The following ETV1 variants were observed in gnomAD, a reference collection of about 807,000 sequenced individuals.
ETV1 encodes ETS variant transcription factor 1.
In ETV1, 27 loss-of-function variants were observed where a neutral mutation model predicts 62.3. The ratio of observed to expected loss-of-function variants is 0.43; its 90% CI spans 0.32 to 0.60. ETV1 has a LOEUF of 0.60. ETV1 is among the 20% of genes least tolerant of loss of function. ETV1 has a pLI of 0.06. For missense variants in ETV1, 605 were observed against 605.8 expected (o/e 1.00, Z 0.01); for synonymous variants, 222 against 199.6 (o/e 1.11, Z -0.94).
intron 6 of ETV1, among the ~76,000 whole-genome samples, chr7:13,970,597 A>C (rs566728122): frequency 9.2e-5 from 14 of 152,202 alleles, no homozygotes; most frequent in Non-Finnish European, 2.1e-4. Flanking sequence ...TTTTGGTAAA[A>C]GCAGTCAGAA....
At chr7:13,960,288 C>T (rs944834219) in intron 6 of ETV1, among the ~76,000 whole-genome samples, 6 of 152,108 alleles carry the variant, frequency 3.9e-5, no homozygotes, top group Non-Finnish European at 8.8e-5. Context: ...ATCAACATTG[C>T]TATTCTGAAT....
Position 13,989,156 on chromosome 7 carries a change from T to G in ETV1, c.-87-17A>C. The G allele has an allele frequency of 2.1e-6, 2 of 969,894 alleles. No homozygotes were observed. Among genetic ancestry groups the G allele is most frequent in the Non-Finnish European group, 3.0e-6 (2 of 658,878 alleles). 60.1% of individuals were successfully genotyped at this position (969,894 alleles called of 1,614,324 possible). A position where few individuals can be genotyped will look rare whatever the true frequency, so the allele number is the denominator to read the frequency against. On this transcript the variant is annotated splice_polypyrimidine_tract_variant and intron_variant, in intron 2 of 13. Transcript: ENST00000430479. Reference sequence around the variant, plus strand: ...TCTATCAACCTAGAGGGGAACAAGATGGCTTTTAGGCTTAAAAAAAAATCA... The same window carrying G: ...TCTATCAACCTAGAGGGGAACAAGAGGGCTTTTAGGCTTAAAAAAAAATCA...
At chr7:13,911,103 A>G in intron 10 of ETV1, 136 bp downstream of exon 10, 1 of 599,376 alleles carries the variant, frequency 1.7e-6, no homozygotes, top group Non-Finnish European at 3.0e-6. Context: ...CTTTGGAGAT[A>G]GTCTTAAAAC....
chr7:13,989,377 G>C lies in ETV1; in HGVS notation c.-197C>G, dbSNP rs1487680780. 2 of 483,490 alleles carry C rather than the reference G, an allele frequency of 4.1e-6. No homozygotes were observed. Among genetic ancestry groups the C allele is most frequent in the Non-Finnish European group, 7.2e-6 (2 of 276,574 alleles). The allele number at this position is 483,490 out of a possible 1,614,324, so 29.9% of individuals were successfully genotyped here. A position where few individuals can be genotyped will look rare whatever the true frequency, so the allele number is the denominator to read the frequency against. On this transcript the variant is annotated 5_prime_UTR_variant, in exon 2 of 14. Coordinates refer to ENST00000430479, the MANE Select transcript of ETV1 (RefSeq NM_004956.5). Reference sequence around the variant, plus strand: ...TTACACTCTCGATGTTTCCCTGCGCGGTCGGTGTACCCCGGGCAGCTCTGA... The same window carrying C: ...TTACACTCTCGATGTTTCCCTGCGCCGTCGGTGTACCCCGGGCAGCTCTGA...
At chr7:13,973,516 GC>G (rs1425338721) in intron 6 of ETV1, among the ~76,000 whole-genome samples, 7 of 152,066 alleles carry the variant, frequency 4.6e-5, no homozygotes, top group African/African-American at 1.7e-4. Flanking sequence ...TAATACAAAT[GC>G]CCTATTCTTC....
chr7:13,902,538 G>A (rs1782548751), intron 12 of ETV1, among the ~76,000 whole-genome samples: 1 of 151,688 alleles, frequency 6.6e-6, no homozygotes, highest in South Asian at 2.1e-4. Context: ...GCTGGGGGGA[G>A]GCAATAAGAA....
At position 13,988,086 on chromosome 7, in the gene ETV1, C is replaced by T. The variant is rs1782712186; in HGVS notation, c.133G>A (p.Glu45Lys). 1.9e-6 allele frequency: 3 copies of T among 1,602,966 alleles called. No individual in the cohort carries two copies. The highest frequency in any genetic ancestry group is 1.7e-5 in the Admixed American group (1 of 59,950). ...GATTCAGCCCAAAATCAAACCTCAC[C>T]TTCTGAATCATGAGCCAGATCTCTG... ...INRDLAHDSE[E>K]LFQDLSQLQE... The change falls in exon 4 of 14, where the codon GAA (glutamate) becomes AAA (lysine). Residue 45 changes from glutamate to lysine, a missense_variant and splice_region_variant. Around this residue, in one of 3 missense-constraint regions of ETV1, gnomAD observed 426 missense variants for 377.8 expected, o/e 1.13. Transcript: ENST00000430479.
rs1401823255 is a variant in ETV1, at chr7:13,988,058, G to A, written c.133+28C>T. On this transcript the variant is annotated intron_variant, in intron 4 of 13. Transcript: ENST00000430479. ...GGGTGGAGAGTGTAGGTAAAAAAAT[G>A]GGGATTCAGCCCAAAATCAAACCTC... is the stretch of plus-strand genomic sequence containing the variant. 6 of 1,359,314 alleles carry A rather than the reference G, an allele frequency of 4.4e-6. No individual in the cohort carries two copies. In the African/African-American group the frequency reaches 5.7e-5, roughly 13 times the overall value. The allele number at this position is 1,359,314 out of a possible 1,614,324, so 84.2% of individuals were successfully genotyped here.
intron 6 of ETV1, among the ~76,000 whole-genome samples, chr7:13,943,094 T>C (rs1316907896): frequency 1.3e-5 from 2 of 152,096 alleles, no homozygotes; most frequent in African/African-American, 4.8e-5. Context: ...AAGAACTCAT[T>C]TAACAAAATA....
chr7:13,895,174 T>G lies in ETV1; in HGVS notation c.*692A>C, dbSNP rs571358467. ...GTAATGCTACTGGCCTATGACTCAG[T>G]TTGGCGCCAGAGTCCAAAATTGTGC... On this transcript the variant is annotated 3_prime_UTR_variant, in exon 14 of 14. Transcript: ENST00000430479. 5 of 233,538 alleles carry G rather than the reference T, an allele frequency of 2.1e-5. No individual in the cohort carries two copies. The highest frequency in any genetic ancestry group is 1.7e-5 in the Non-Finnish European group (2 of 117,940). 14.5% of individuals were successfully genotyped at this position (233,538 alleles called of 1,614,324 possible).
chr7:13,915,701 C>G (rs1557946), intron 9 of ETV1, among the ~76,000 whole-genome samples: 46,878 of 151,902 alleles, frequency 0.31, 7,585 homozygotes, highest in African/African-American at 0.4. Context: ...ATTGAGTGCA[C>G]TCAATTGAGA....
rs1052940866 is a variant in ETV1 at position 13,894,500 on chromosome 7, G to A, written c.*1366C>T. The A allele has an allele frequency of 2.6e-5, 6 of 232,274 alleles. No homozygotes were observed. Among genetic ancestry groups the A allele is most frequent in the East Asian group, 1.2e-4 (2 of 16,304 alleles). 14.4% of individuals were successfully genotyped at this position (232,274 alleles called of 1,614,324 possible). A position where few individuals can be genotyped will look rare whatever the true frequency, so the allele number is the denominator to read the frequency against. ...CAGCAACTTCCTCATATTCTTTGAC[G>A]GTTTGTAAATAATTTTCCATATCAC... On this transcript the variant is annotated 3_prime_UTR_variant, in exon 14 of 14. Transcript: ENST00000430479.
chr7:13,969,016 G>A (rs181507845), intron 6 of ETV1, among the ~76,000 whole-genome samples: 9 of 152,158 alleles, frequency 5.9e-5, no homozygotes, highest in East Asian at 3.9e-4. Flanking sequence ...TAAAATTTTC[G>A]CTTTACTGGA....
At chr7:13,953,080 C>A (rs143856655) in intron 6 of ETV1, among the ~76,000 whole-genome samples, 1 of 152,184 alleles carries the variant, frequency 6.6e-6, no homozygotes, top group African/African-American at 2.4e-5. Flanking sequence ...GATCGTCCTA[C>A]CCCTACTGGT....
At chr7:13,928,515 G>A (rs1785701733) in intron 9 of ETV1, among the ~76,000 whole-genome samples, 1 of 152,212 alleles carries the variant, frequency 6.6e-6, no homozygotes, top group Non-Finnish European at 1.5e-5. Context: ...TCCGGAGGCT[G>A]AGGGAGGAGA....
chr7:13,985,317 GA>G (rs925743120), intron 5 of ETV1: 1 of 151,936 alleles, frequency 6.6e-6, no homozygotes, highest in Non-Finnish European at 1.5e-5. Flanking sequence ...CTAGCAAAAT[GA>G]TCCTTAAATA....
At chr7:13,978,759 T>G (rs1199079267) in intron 5 of ETV1, among the ~76,000 whole-genome samples, 1 of 151,942 alleles carries the variant, frequency 6.6e-6, no homozygotes, top group Admixed American at 6.6e-5. Context: ...GAATTAAAGT[T>G]TCTTTTTATT....
chr7:13,913,537 G>A (rs897071986), intron 9 of ETV1, among the ~76,000 whole-genome samples: 3 of 152,232 alleles, frequency 2.0e-5, no homozygotes, highest in South Asian at 2.1e-4. Flanking sequence ...GCAACATTTC[G>A]CACAGTATCT....
chr7:13,927,644 C>A (rs1372912802), intron 9 of ETV1, among the ~76,000 whole-genome samples: 2 of 152,102 alleles, frequency 1.3e-5, no homozygotes, highest in Admixed American at 1.3e-4. Flanking sequence ...AAATTAATGA[C>A]AACCAAACAA....
Sources: gnomAD v4.1 joint callset for allele counts (sites outside exome capture counted in the v4.1 genomes callset) on GRCh38, gnomAD v4.1.1 for gene constraint, gnomAD v4.1.1 regional missense constraint, MANE v1.5 for transcripts, NCBI Gene and HGNC (gene_info 2026-07-23, HGNC 2026-07-21) for gene names.